ACTR3B: variants seen among roughly 807,000 people sequenced by gnomAD.
ACTR3B encodes the protein actin related protein 3B.
In ACTR3B, 8 loss-of-function variants were observed where a neutral mutation model predicts 59.0. The ratio of observed to expected loss-of-function variants is 0.14; its 90% CI spans 0.08 to 0.24. The LOEUF (loss-of-function observed/expected upper bound fraction) is 0.24. Ranked by LOEUF, ACTR3B falls within the 10% of genes least tolerant of loss-of-function variation. ACTR3B has a pLI of 1.00. For synonymous variants in ACTR3B, 148 were observed against 197.9 expected (o/e 0.75, Z 2.12); for missense variants, 245 against 552.3 (o/e 0.44, Z 5.58).
chr7:152,800,577 G>A lies in ACTR3B; in HGVS notation c.147G>A (p.Arg49=). 1 of 1,614,114 alleles carries A rather than the reference G, an allele frequency of 6.2e-7. No individual in the cohort carries two copies. The highest frequency in any genetic ancestry group is 8.5e-7 in the Non-Finnish European group (1 of 1,179,980). Residue 49 remains arginine (R), a synonymous_variant, in exon 3 of 12, where the codon AGG becomes AGA. Transcript: ENST00000256001. ...ESAKVVDQAQ[R]RVLRGVDDLD... ...CAAAGGTAGTTGACCAAGCTCAAAG[G>A]AGAGTGTTGAGGGGAGTTGATGACC...
At chr7:152,819,453 C>T (rs1011234017) in intron 6 of ACTR3B, among the ~76,000 whole-genome samples, 2 of 152,264 alleles carry the variant, frequency 1.3e-5, no homozygotes, top group African/African-American at 4.8e-5. Flanking sequence ...GGTCAGCATC[C>T]TGCTCATCCC....
chr7:152,854,905 A>AG lies in ACTR3B; in HGVS notation c.*354dup, dbSNP rs1481928003. ...AAATGGCGCAAAATCGTTAGGTCCC[A>AG]GGAGAGAATGTGGGGGCGCAAACCC... On this transcript the variant is annotated 3_prime_UTR_variant, in exon 12 of 12. Coordinates refer to ENST00000256001, the MANE Select transcript of ACTR3B (RefSeq NM_020445.6). This position sits in a 1 kb window ranked among gnomAD's most constrained non-coding sequence, Gnocchi z 4.9. The AG allele has an allele frequency of 1.5e-5, 3 of 196,040 alleles. No homozygotes were observed. Among genetic ancestry groups the AG allele is most frequent in the African/African-American group, 6.9e-5 (3 of 43,216 alleles). 12.1% of individuals were successfully genotyped at this position (196,040 alleles called of 1,614,324 possible). A position where few individuals can be genotyped will look rare whatever the true frequency, so the allele number is the denominator to read the frequency against.
At chr7:152,800,482 A>G (rs1277102765) in intron 2 of ACTR3B, 49 bp from the exon 3 acceptor site, 25 of 1,595,056 alleles carry the variant, frequency 1.6e-5, no homozygotes, top group Non-Finnish European at 2.0e-5. Flanking sequence ...TGATCATTTA[A>G]ATAGATATGG....
Position 152,759,900 on chromosome 7 carries a change from TC to T in ACTR3B, c.21del (p.Cys8AlafsTer36). 1 of 1,382,346 alleles carries T rather than the reference TC, an allele frequency of 7.2e-7. No homozygotes were observed. Among genetic ancestry groups the T allele is most frequent in the Non-Finnish European group, 9.4e-7 (1 of 1,058,816 alleles). 85.6% of individuals were successfully genotyped at this position (1,382,346 alleles called of 1,614,324 possible). A position where few individuals can be genotyped will look rare whatever the true frequency, so the allele number is the denominator to read the frequency against. On this transcript the variant is annotated frameshift_variant, in exon 1 of 12. Transcript: ENST00000256001. LOFTEE classifies it high-confidence loss of function. MAGSLPPCVVDCGTGYT... is the reference protein window; with the variant it reads MAGSLPXCVVDCGTGYT... Reference sequence around the variant, plus strand: ...TCCCGAGCATGGCAGGCTCCCTGCCTCCCTGCGTGGTGGACTGTGGCACCGG... The same window carrying T: ...TCCCGAGCATGGCAGGCTCCCTGCCTCCTGCGTGGTGGACTGTGGCACCGG...
intron 2 of ACTR3B, among the ~76,000 whole-genome samples, chr7:152,785,162 A>G (rs1188987566): frequency 1.3e-5 from 2 of 151,638 alleles, no homozygotes; most frequent in Admixed American, 1.3e-4. Flanking sequence ...AGCTGTCGGT[A>G]GCATTCAGTT....
intron 1 of ACTR3B, among the ~76,000 whole-genome samples, chr7:152,780,299 C>T (rs557653527): frequency 7.4e-5 from 11 of 147,842 alleles, no homozygotes; most frequent in African/African-American, 2.5e-4. Flanking sequence ...TGCAGTGAGC[C>T]GAGATCGCGC....
intron 2 of ACTR3B, among the ~76,000 whole-genome samples, chr7:152,787,572 G>C (rs931295782): frequency 1.4e-4 from 21 of 152,078 alleles, no homozygotes; most frequent in African/African-American, 5.1e-4. Context: ...TAATTTGTGA[G>C]TATGGTGTGA....
chr7:152,789,829 G>C (rs2098188747), intron 2 of ACTR3B, among the ~76,000 whole-genome samples: 1 of 152,006 alleles, frequency 6.6e-6, no homozygotes, highest in Non-Finnish European at 1.5e-5. Flanking sequence ...ATAACTGTAG[G>C]TTTTTGTGGA....
At chr7:152,805,003 ACTCATGGAGTTATTT>A (rs201859613) in intron 4 of ACTR3B, among the ~76,000 whole-genome samples, 2,230 of 151,790 alleles carry the variant, frequency 0.015, 39 homozygotes, top group African/African-American at 0.035. Flanking sequence ...ACATTGTATC[ACTCATGGAGTTATTT>A]CGCCTGCTCT....
intron 9 of ACTR3B, among the ~76,000 whole-genome samples, chr7:152,844,391 A>G (rs974943925): frequency 1.3e-5 from 2 of 152,138 alleles, no homozygotes; most frequent in Non-Finnish European, 2.9e-5. Context: ...ATGTTTTTTT[A>G]AAAAAATCTA....
intron 1 of ACTR3B, among the ~76,000 whole-genome samples, chr7:152,776,932 G>A (rs1347749392): frequency 6.6e-6 from 1 of 152,086 alleles, no homozygotes; most frequent in Non-Finnish European, 1.5e-5. Flanking sequence ...TTATTGAATG[G>A]ATGTAATATA....
intron 1 of ACTR3B, among the ~76,000 whole-genome samples, chr7:152,771,728 C>G (rs890979140): frequency 6.6e-6 from 1 of 152,162 alleles, no homozygotes; most frequent in Non-Finnish European, 1.5e-5. Context: ...TCACTGTGAA[C>G]TGTAAAAAAT....
intron 9 of ACTR3B, among the ~76,000 whole-genome samples, chr7:152,842,111 C>T (rs1339366013): frequency 6.6e-6 from 1 of 152,210 alleles, no homozygotes; most frequent in Non-Finnish European, 1.5e-5. Flanking sequence ...ATACAGGAGT[C>T]CCTTCTTATC....
intron 4 of ACTR3B, among the ~76,000 whole-genome samples, chr7:152,809,475 T>G (rs1320996394): frequency 6.6e-6 from 1 of 152,158 alleles, no homozygotes; most frequent in Non-Finnish European, 1.5e-5. Flanking sequence ...AGCTGATTGT[T>G]CATGTTCCAG....
chr7:152,851,047 A>G (rs745305731), intron 9 of ACTR3B, among the ~76,000 whole-genome samples: 4 of 152,248 alleles, frequency 2.6e-5, no homozygotes, highest in Non-Finnish European at 5.9e-5. Context: ...CAGTGAGGAT[A>G]TGATTCAAGA....
In ACTR3B at chr7:152,850,089, G is replaced by T. The variant is rs545357701; in HGVS notation, c.952-2037G>T. Among the ~76,000 whole-genome samples the T allele has an allele frequency of 2.0e-5, 3 of 152,012 alleles. No homozygotes were observed. The East Asian group carries it at 5.8e-4, about 30-fold the overall frequency. Reference sequence around the variant, plus strand: ...GTCAGATCACTGGTGGCTTCTCCAGGTAGAAGGTCAGATCACTGGTCACTT... The same window carrying T: ...GTCAGATCACTGGTGGCTTCTCCAGTTAGAAGGTCAGATCACTGGTCACTT... On this transcript the variant is annotated intron_variant, in intron 9 of 11. Coordinates refer to ENST00000256001, the MANE Select transcript of ACTR3B (RefSeq NM_020445.6).
At chr7:152,783,815 C>T (rs1383824120) in intron 2 of ACTR3B, among the ~76,000 whole-genome samples, 2 of 151,784 alleles carry the variant, frequency 1.3e-5, no homozygotes, top group South Asian at 4.2e-4. Flanking sequence ...CTTGGCTGGG[C>T]GTGGTGGCTC....
At chr7:152,804,739 C>T (rs562312043) in intron 4 of ACTR3B, among the ~76,000 whole-genome samples, 4 of 152,294 alleles carry the variant, frequency 2.6e-5, no homozygotes, top group African/African-American at 2.4e-5. Context: ...TTTCCCTCAG[C>T]GTGGAGGAAC....
At chr7:152,828,534 G>GCA (rs1796764806) in intron 9 of ACTR3B, among the ~76,000 whole-genome samples, 1 of 152,018 alleles carries the variant, frequency 6.6e-6, no homozygotes, top group African/African-American at 2.4e-5. Context: ...GTTAGCAAGT[G>GCA]CACAGATCAG....
Sources: allele counts gnomAD v4.1 joint callset (sites outside exome capture counted in the v4.1 genomes callset), GRCh38; gene constraint gnomAD v4.1.1; non-coding constraint Gnocchi (gnomAD v3.1); transcripts MANE v1.5; gene names NCBI Gene and HGNC (gene_info 2026-07-23, HGNC 2026-07-21).